Variants in SEL1L2 observed in about 807,000 individuals in gnomAD.
SEL1L2 encodes the protein protein sel-1 homolog 2.
SEL1L2 carries 89 observed loss-of-function variants against 98.8 expected under a neutral mutation model. That is an observed-to-expected ratio of 0.90 (90% confidence interval 0.76 to 1.07). SEL1L2 has a LOEUF of 1.07. SEL1L2 is among the 50% of genes least tolerant of loss of function. The pLI is 0.00. For missense variants in SEL1L2, 788 were observed against 812.0 expected, an observed-to-expected ratio of 0.97 and a Z score of 0.36; for synonymous variants, 262 against 278.5, an observed-to-expected ratio of 0.94 and a Z score of 0.59.
chr20:13,959,055 G>A (rs564458925), intron 1 of SEL1L2, among the ~76,000 whole-genome samples: 1 of 152,282 alleles, frequency 6.6e-6, no homozygotes, highest in African/African-American at 2.4e-5. Context: ...AACTACATGG[G>A]AAGTTGCCAA....
At chr20:13,883,466 T>C (rs1369530905) in intron 10 of SEL1L2, among the ~76,000 whole-genome samples, 3 of 152,280 alleles carry the variant, frequency 2.0e-5, no homozygotes, top group Non-Finnish European at 4.4e-5. Context: ...GTTCAAATTC[T>C]GCTTCTTAAA....
At chr20:13,951,138 G>A (rs1477305909) in intron 2 of SEL1L2, among the ~76,000 whole-genome samples, 5 of 151,496 alleles carry the variant, frequency 3.3e-5, no homozygotes, top group African/African-American at 9.7e-5. Flanking sequence ...TTAGCCGGGT[G>A]TGGTGGCGGG....
intron 17 of SEL1L2, among the ~76,000 whole-genome samples, chr20:13,864,694 G>A (rs2147807662): frequency 6.6e-6 from 1 of 152,256 alleles, no homozygotes; most frequent in South Asian, 2.1e-4. Flanking sequence ...AATGATTGTA[G>A]TAAAGATCTG....
At chr20:13,917,754 TCAGGGCC>T (rs2148217672) in intron 4 of SEL1L2, among the ~76,000 whole-genome samples, 1 of 146,966 alleles carries the variant, frequency 6.8e-6, no homozygotes, top group South Asian at 2.2e-4. Flanking sequence ...TGTTGGGGGC[TCAGGGCC>T]CATACTTTCT....
intron 1 of SEL1L2, among the ~76,000 whole-genome samples, chr20:13,971,777 G>A (rs1174562937): frequency 2.0e-5 from 3 of 151,994 alleles, no homozygotes. Context: ...TTTGTGATTC[G>A]TATGAAGTGG....
At position 13,868,913 on chromosome 20, in the gene SEL1L2, A is replaced by C. The variant is rs912611881; in HGVS notation, c.1255+590T>G. ...ACGCCCGGCCTCTTACTTGTTTTTT[A>C]AACCAGGTTTCTCACTGCATTTCAC... On this transcript the variant is annotated intron_variant, in intron 14 of 19. Transcript: ENST00000284951. Among the ~76,000 whole-genome samples the C allele has an allele frequency of 7.9e-5, 12 of 151,930 alleles. No individual in the cohort carries two copies. In the South Asian group the frequency reaches 1.5e-3, roughly 18 times the overall value.
At chr20:13,985,470 T>C (rs892353233) in intron 1 of SEL1L2, among the ~76,000 whole-genome samples, 6 of 152,216 alleles carry the variant, frequency 3.9e-5, no homozygotes, top group Non-Finnish European at 8.8e-5. Flanking sequence ...CCTTTCTGAC[T>C]ACTCCACACA....
chr20:13,960,381 T>C (rs769114717), intron 1 of SEL1L2, among the ~76,000 whole-genome samples: 4 of 152,006 alleles, frequency 2.6e-5, no homozygotes, highest in African/African-American at 9.7e-5. Flanking sequence ...GTAGGATAAG[T>C]GTAGATAAAA....
At chr20:13,966,413 G>C (rs2051045001) in intron 1 of SEL1L2, among the ~76,000 whole-genome samples, 1 of 152,020 alleles carries the variant, frequency 6.6e-6, no homozygotes. Flanking sequence ...CTGCCTCCTA[G>C]GTTCAAGCGA....
At chr20:13,917,979 C>T (rs1030479633) in intron 4 of SEL1L2, among the ~76,000 whole-genome samples, 3 of 151,404 alleles carry the variant, frequency 2.0e-5, no homozygotes, top group South Asian at 4.2e-4. Context: ...TTTGTAGAGA[C>T]GGGGTTTCAC....
chr20:13,884,934 AT>A (rs1305205898), intron 10 of SEL1L2, among the ~76,000 whole-genome samples: 1 of 152,212 alleles, frequency 6.6e-6, no homozygotes, highest in Non-Finnish European at 1.5e-5. Flanking sequence ...GTCTTCTGAT[AT>A]AGCCAAATGG....
intron 2 of SEL1L2, among the ~76,000 whole-genome samples, chr20:13,940,575 A>C (rs2049719678): frequency 6.6e-6 from 1 of 152,166 alleles, no homozygotes; most frequent in Non-Finnish European, 1.5e-5. Context: ...ACAAGCTCTG[A>C]TTGATGTTTT....
chr20:13,884,724 G>T (rs753805292), intron 10 of SEL1L2, among the ~76,000 whole-genome samples: 1 of 151,788 alleles, frequency 6.6e-6, no homozygotes, highest in Non-Finnish European at 1.5e-5. Flanking sequence ...CGCCAGGATG[G>T]ACTCAATATC....
At chr20:13,858,970 G>C (rs1030182436) in intron 18 of SEL1L2, among the ~76,000 whole-genome samples, 12 of 152,190 alleles carry the variant, frequency 7.9e-5, no homozygotes, top group Admixed American at 7.9e-4. Flanking sequence ...GGGCCTACTG[G>C]AAAAAGCATG....
At chr20:13,859,226 T>C in intron 18 of SEL1L2, 36 bp downstream of exon 18, 1 of 1,575,556 alleles carries the variant, frequency 6.3e-7, no homozygotes, top group Admixed American at 1.7e-5. Flanking sequence ...CACACAGCTG[T>C]CATTACTAGG....
chr20:13,884,149 A>T (rs2046835985), intron 10 of SEL1L2, among the ~76,000 whole-genome samples: 1 of 152,232 alleles, frequency 6.6e-6, no homozygotes, highest in South Asian at 2.1e-4. Flanking sequence ...AAATAACACA[A>T]AATGAAATGC....
At chr20:13,948,331 G>T (rs543193556) in intron 2 of SEL1L2, among the ~76,000 whole-genome samples, 1 of 151,842 alleles carries the variant, frequency 6.6e-6, no homozygotes, top group Admixed American at 6.5e-5. Context: ...GAAGACTAAA[G>T]TTGGAGGTCT....
chr20:13,928,918 C>CA (rs1417648118), intron 3 of SEL1L2, among the ~76,000 whole-genome samples: 2 of 152,090 alleles, frequency 1.3e-5, no homozygotes, highest in Non-Finnish European at 2.9e-5. Context: ...TTTCATGTGT[C>CA]AGTTTGGCTT....
intron 1 of SEL1L2, among the ~76,000 whole-genome samples, chr20:13,962,550 C>G (rs781615210): frequency 2.6e-5 from 4 of 152,154 alleles, no homozygotes; most frequent in African/African-American, 9.7e-5. Flanking sequence ...AATCAACACA[C>G]AGAATTATGA....
Sources: gnomAD v4.1 joint callset for allele counts (sites outside exome capture counted in the v4.1 genomes callset) on GRCh38, gnomAD v4.1.1 for gene constraint, MANE v1.5 for transcripts, NCBI Gene and HGNC (gene_info 2026-07-23, HGNC 2026-07-21) for gene names.